The following GABRB1 variants were observed in gnomAD, a reference collection of about 807,000 sequenced individuals.
The protein encoded by GABRB1 is gamma-aminobutyric acid type A receptor subunit beta1, also known as gamma-aminobutyric acid receptor subunit beta-1.
A neutral mutation model predicts 51.6 loss-of-function variants in GABRB1; 17 were observed. The ratio of observed to expected loss-of-function variants is 0.33; its 90% CI spans 0.23 to 0.49. The LOEUF (loss-of-function observed/expected upper bound fraction) is 0.49, where lower values mean the gene tolerates loss of function less well. Among genes scored for constraint, GABRB1 ranks in the 20% least tolerant of loss-of-function variants. GABRB1 has a pLI of 0.99. For synonymous variants in GABRB1, 247 were observed against 218.9 expected, an observed-to-expected ratio of 1.13 and a Z score of -1.14; for missense variants, 410 against 600.6, an observed-to-expected ratio of 0.68 and a Z score of 3.32.
intron 4 of GABRB1, among the ~76,000 whole-genome samples, chr4:47,260,855 T>C (rs12506407): frequency 0.64 from 97,433 of 151,934 alleles, 31,600 homozygotes; most frequent in South Asian, 0.81. Context: ...TCCACCATGA[T>C]CAAGTGGGCT....
chr4:47,253,290 G>T (rs1011695482), intron 4 of GABRB1, among the ~76,000 whole-genome samples: 4 of 152,168 alleles, frequency 2.6e-5, no homozygotes, highest in African/African-American at 9.7e-5. Flanking sequence ...TATGTCAAAG[G>T]GGAATCCCAT....
chr4:47,180,033 C>A (rs986206179), intron 4 of GABRB1, among the ~76,000 whole-genome samples: 2 of 151,962 alleles, frequency 1.3e-5, no homozygotes, highest in African/African-American at 4.8e-5. Context: ...TAGCCAAACC[C>A]AGTCTCAAAA....
At chr4:47,288,678 A>G (rs1356218101) in intron 4 of GABRB1, among the ~76,000 whole-genome samples, 1 of 152,214 alleles carries the variant, frequency 6.6e-6, no homozygotes, top group Non-Finnish European at 1.5e-5. Context: ...TTTAATCATC[A>G]TCATCATCAT....
chr4:47,311,073 A>AC (rs1163940092), intron 4 of GABRB1, among the ~76,000 whole-genome samples: 1 of 150,020 alleles, frequency 6.7e-6, no homozygotes, highest in East Asian at 2.0e-4. Flanking sequence ...AAAAAAAAAA[A>AC]AAAAAAAAAA....
chr4:47,371,971 G>A (rs531529082), intron 5 of GABRB1, among the ~76,000 whole-genome samples: 9 of 152,168 alleles, frequency 5.9e-5, no homozygotes, highest in East Asian at 3.9e-4. Flanking sequence ...TTTTGTTTTC[G>A]TTGCAATTGC....
chr4:47,187,840 T>G (rs1398721153), intron 4 of GABRB1, among the ~76,000 whole-genome samples: 1 of 151,938 alleles, frequency 6.6e-6, no homozygotes. Context: ...ACATGCCAAG[T>G]GGACTTCTGC....
At chr4:47,274,498 A>G (rs565565504) in intron 4 of GABRB1, among the ~76,000 whole-genome samples, 2 of 152,298 alleles carry the variant, frequency 1.3e-5, no homozygotes, top group South Asian at 2.1e-4. Context: ...TTCTATGACT[A>G]TCTATGAGCT....
At chr4:47,329,937 A>G (rs182406666) in intron 5 of GABRB1, among the ~76,000 whole-genome samples, 120 of 152,218 alleles carry the variant, frequency 7.9e-4, no homozygotes, top group African/African-American at 2.4e-3. Context: ...CTCAAGATCT[A>G]CAGAGTGAGT....
intron 3 of GABRB1, among the ~76,000 whole-genome samples, chr4:47,051,673 A>T (rs1321507552): frequency 6.6e-6 from 1 of 152,212 alleles, no homozygotes; most frequent in Non-Finnish European, 1.5e-5. Context: ...TGATAATAAG[A>T]GTTCAGAAGA....
rs1553919789 is a variant in GABRB1 at position 47,155,928 on chromosome 4, T to TATATATATATATATATAC, written c.241-5304_241-5303insCATATATATATATATATA. On this transcript the variant is annotated intron_variant, in intron 3 of 8. Transcript: ENST00000295454. ...AAAGAGGTATTTTCATATATATATA[T>TATATATATATATATATAC]ATATATATATATATATATGAAACCA... Among the ~76,000 whole-genome samples the TATATATATATATATATAC allele has an allele frequency of 1.5e-3, 143 of 92,704 alleles. 17 individuals are homozygous for TATATATATATATATATAC. The highest frequency in any genetic ancestry group is 2.3e-3 in the Non-Finnish European group (118 of 50,230). 60.8% of individuals were successfully genotyped at this position (92,704 alleles called of 152,430 possible).
At chr4:47,023,979 T>C (rs1457071410) in intron 1 of GABRB1, among the ~76,000 whole-genome samples, 1 of 152,016 alleles carries the variant, frequency 6.6e-6, no homozygotes, top group Non-Finnish European at 1.5e-5. Context: ...CTTTACCTTT[T>C]GCAATGCCAT....
chr4:47,071,646 TC>T (rs1381914870), intron 3 of GABRB1, among the ~76,000 whole-genome samples: 4 of 150,816 alleles, frequency 2.7e-5, no homozygotes, highest in African/African-American at 9.8e-5. Context: ...TATTTTTTTT[TC>T]TTTTTTTTTT....
intron 5 of GABRB1, among the ~76,000 whole-genome samples, chr4:47,345,543 G>A (rs905192392): frequency 2.0e-5 from 3 of 152,294 alleles, no homozygotes; most frequent in South Asian, 4.1e-4. Context: ...CCCTGTGGTA[G>A]GAAGGATCTT....
intron 4 of GABRB1, among the ~76,000 whole-genome samples, chr4:47,178,865 C>T (rs994535508): frequency 1.3e-5 from 2 of 151,986 alleles, no homozygotes; most frequent in African/African-American, 2.4e-5. Flanking sequence ...TATAATGAGT[C>T]GCTTTGTTCC....
intron 3 of GABRB1, among the ~76,000 whole-genome samples, chr4:47,035,445 A>G (rs1047547638): frequency 6.6e-5 from 10 of 152,208 alleles, no homozygotes; most frequent in Admixed American, 2.0e-4. Context: ...CTTGAGAACA[A>G]GACTTTTCAG....
chr4:47,025,686 T>C (rs1373385668), intron 1 of GABRB1, among the ~76,000 whole-genome samples: 1 of 151,980 alleles, frequency 6.6e-6, no homozygotes. Context: ...GAATATGTAT[T>C]TAACATGAGG....
At chr4:47,176,852 T>C (rs776032103) in intron 4 of GABRB1, among the ~76,000 whole-genome samples, 3 of 152,142 alleles carry the variant, frequency 2.0e-5, no homozygotes, top group African/African-American at 4.8e-5. Flanking sequence ...TGGGTCCATG[T>C]GGTGGTAACA....
chr4:47,234,236 C>T (rs1166175171), intron 4 of GABRB1, among the ~76,000 whole-genome samples: 1 of 152,090 alleles, frequency 6.6e-6, no homozygotes, highest in Non-Finnish European at 1.5e-5. Context: ...ACCTGTAATC[C>T]CAGCACTTTG....
At chr4:47,250,544 A>G (rs867275081) in intron 4 of GABRB1, among the ~76,000 whole-genome samples, 2 of 152,182 alleles carry the variant, frequency 1.3e-5, no homozygotes, top group South Asian at 2.1e-4. Flanking sequence ...TCCCAAAAAT[A>G]TTTTCCAAGA....
Sources: gnomAD v4.1 joint callset for allele counts (sites outside exome capture counted in the v4.1 genomes callset) on GRCh38, gnomAD v4.1.1 for gene constraint, MANE v1.5 for transcripts, NCBI Gene and HGNC (gene_info 2026-07-23, HGNC 2026-07-21) for gene names.